Variants in NEBL observed in about 807,000 individuals in gnomAD.
The protein encoded by NEBL is LIM and SH3 protein 2.
A neutral mutation model predicts 140.2 loss-of-function variants in NEBL; 122 were observed. The ratio of observed to expected loss-of-function variants is 0.87; its 90% CI spans 0.75 to 1.01. NEBL has a LOEUF of 1.01. Among genes scored for constraint, NEBL ranks in the 50% least tolerant of loss-of-function variants. The pLI is 0.00. For missense variants in NEBL, 1,365 were observed against 1,231.3 expected (o/e 1.11, Z -1.62); for synonymous variants, 436 against 398.9 (o/e 1.09, Z -1.11).
At chr10:20,789,272 T>C (rs1435030747) in intron 26 of NEBL, among the ~76,000 whole-genome samples, 4 of 152,222 alleles carry the variant, frequency 2.6e-5, no homozygotes, top group African/African-American at 9.6e-5. Context: ...AGATTAAATA[T>C]AAACATCTCT....
Position 21,173,615 on chromosome 10 carries a change from G to T in NEBL, c.69+150C>A. The T allele has an allele frequency of 7.7e-7, 1 of 1,303,388 alleles. No individual in the cohort carries two copies. The highest frequency in any genetic ancestry group is 1.1e-6 in the Non-Finnish European group (1 of 928,174). 80.7% of individuals were successfully genotyped at this position (1,303,388 alleles called of 1,614,324 possible). ...CGTGGTCTCTGACACTCCCGCTGGC[G>T]TCTTCGTTCGCGCGCCCTCCCCCCG... is the stretch of plus-strand genomic sequence containing the variant. On this transcript the variant is annotated intron_variant, in intron 1 of 6. Transcript: ENST00000417816. The surrounding 1 kb of genome is among the most constrained non-coding windows in gnomAD (Gnocchi z 5.7).
At chr10:21,274,932 T>C (rs933976413) in intron 1 of NEBL, among the ~76,000 whole-genome samples, 5 of 151,962 alleles carry the variant, frequency 3.3e-5, no homozygotes, top group Non-Finnish European at 7.4e-5. Flanking sequence ...TCACATTGAG[T>C]AGGCTGAGGA....
At chr10:20,981,708 C>T (rs965828167) in intron 3 of NEBL, among the ~76,000 whole-genome samples, 4 of 152,160 alleles carry the variant, frequency 2.6e-5, no homozygotes, top group Admixed American at 6.5e-5. Flanking sequence ...GTGATAGGGG[C>T]CTCTCTTCCA....
At chr10:21,112,888 T>C in intron 2 of NEBL, 1 of 348,286 alleles carries the variant, frequency 2.9e-6, no homozygotes, top group Non-Finnish European at 5.5e-6. Context: ...TTAGTATCTG[T>C]GGAGGAAGAT....
At chr10:21,229,989 A>G (rs142190707) in intron 3 of NEBL, among the ~76,000 whole-genome samples, 9 of 152,268 alleles carry the variant, frequency 5.9e-5, no homozygotes, top group African/African-American at 1.9e-4. Flanking sequence ...GGCAGGCACT[A>G]TTTTTCAAAA....
At chr10:20,992,084 G>A (rs1837478455) in intron 3 of NEBL, among the ~76,000 whole-genome samples, 1 of 152,040 alleles carries the variant, frequency 6.6e-6, no homozygotes, top group Non-Finnish European at 1.5e-5. Flanking sequence ...CATGAATGCA[G>A]GTATCTTTTT....
At chr10:20,792,987 G>A (rs146275867) in intron 26 of NEBL, among the ~76,000 whole-genome samples, 99 of 152,214 alleles carry the variant, frequency 6.5e-4, no homozygotes, top group Non-Finnish European at 1.2e-3. Context: ...TGGGAGTTAA[G>A]TCCACAAAGT....
At position 20,889,947 on chromosome 10, in the gene NEBL, G is replaced by A. The variant is rs764821851; in HGVS notation, c.156C>T (p.Ile52=). The A allele has an allele frequency of 5.1e-6, 8 of 1,574,014 alleles. No individual in the cohort carries two copies. The highest frequency in any genetic ancestry group is 2.7e-5 in the African/African-American group (2 of 73,804). Residue 52 remains isoleucine (I), a splice_region_variant and synonymous_variant, in exon 3 of 28, where the codon ATC becomes ATT. Coordinates refer to ENST00000377122, the MANE Select transcript of NEBL (RefSeq NM_006393.3). ...ARKCTELISD[I]RYKEEFKKSK... is the part of the protein sequence containing the mutation. Reference sequence around the variant, plus strand: ...ACTTTTTAAACTCTTCTTTATAACGGATCTAAAAAAGAGAATGATTTACAT... The same window carrying A: ...ACTTTTTAAACTCTTCTTTATAACGAATCTAAAAAAGAGAATGATTTACAT...
chr10:21,192,198 CT>C (rs34146705), intron 3 of NEBL, among the ~76,000 whole-genome samples: 58 of 144,104 alleles, frequency 4.0e-4, no homozygotes, highest in Middle Eastern at 3.5e-3. Flanking sequence ...CTTTTTTTTT[CT>C]TTTTTTTTTT....
At chr10:21,030,936 T>C in intron 2 of NEBL, 1 of 239,122 alleles carries the variant, frequency 4.2e-6, no homozygotes, top group Non-Finnish European at 8.3e-6. Context: ...TGGCTACAAA[T>C]TACCATTAGG....
At chr10:20,929,257 A>T (rs1243456847) in intron 4 of NEBL, among the ~76,000 whole-genome samples, 1 of 147,086 alleles carries the variant, frequency 6.8e-6, no homozygotes. Context: ...TGTGAGAGAT[A>T]TAAATATATA....
At chr10:21,159,054 G>A (rs1769981772) in intron 2 of NEBL, among the ~76,000 whole-genome samples, 1 of 152,152 alleles carries the variant, frequency 6.6e-6, no homozygotes, top group South Asian at 2.1e-4. Flanking sequence ...TAAACTGTGT[G>A]TTAGGCTAAT....
intron 3 of NEBL, among the ~76,000 whole-genome samples, chr10:20,981,322 A>T (rs1227139106): frequency 1.3e-5 from 2 of 152,100 alleles, no homozygotes; most frequent in East Asian, 1.9e-4. Context: ...AAAAAAAGAC[A>T]TTCTAATGTT....
At chr10:21,094,870 G>C (rs2131974445) in intron 2 of NEBL, among the ~76,000 whole-genome samples, 1 of 152,266 alleles carries the variant, frequency 6.6e-6, no homozygotes, top group South Asian at 2.1e-4. Flanking sequence ...TCGTAGGAGA[G>C]ACTAGAACCC....
chr10:21,288,448 A>G (rs1200032824), intron 1 of NEBL, among the ~76,000 whole-genome samples: 1 of 151,636 alleles, frequency 6.6e-6, no homozygotes, highest in Non-Finnish European at 1.5e-5. Flanking sequence ...AGCTTGGGTG[A>G]CACAGTAAGC....
At chr10:21,081,174 G>C (rs1326460480) in intron 2 of NEBL, among the ~76,000 whole-genome samples, 1 of 152,112 alleles carries the variant, frequency 6.6e-6, no homozygotes, top group Non-Finnish European at 1.5e-5. Context: ...TTATTTAATA[G>C]TCACATTCCA....
intron 4 of NEBL, among the ~76,000 whole-genome samples, chr10:20,919,109 T>A (rs902465351): frequency 6.6e-6 from 1 of 152,152 alleles, no homozygotes; most frequent in Non-Finnish European, 1.5e-5. Context: ...AGCTAAATTA[T>A]GTGCTATCCT....
intron 3 of NEBL, among the ~76,000 whole-genome samples, chr10:21,014,829 T>A (rs1431069824): frequency 1.3e-5 from 2 of 152,192 alleles, no homozygotes; most frequent in African/African-American, 4.8e-5. Flanking sequence ...ATGTTCCCTA[T>A]AAAAAGAAAT....
chr10:21,030,314 A>G (rs1178898092), intron 2 of NEBL: 1 of 659,784 alleles, frequency 1.5e-6, no homozygotes, highest in South Asian at 1.5e-5. Flanking sequence ...GAGGACAGGA[A>G]GTGAGTCATC....
Sources: allele counts gnomAD v4.1 joint callset (sites outside exome capture counted in the v4.1 genomes callset), GRCh38; gene constraint gnomAD v4.1.1; non-coding constraint Gnocchi (gnomAD v3.1); transcripts MANE v1.5; gene names NCBI Gene and HGNC (gene_info 2026-07-23, HGNC 2026-07-21).